Variants in PTK2 observed in about 807,000 individuals in gnomAD.
PTK2 encodes the protein protein tyrosine kinase 2.
PTK2 carries 45 observed loss-of-function variants against 150.1 expected under a neutral mutation model. The ratio of observed to expected loss-of-function variants is 0.30; its 90% CI spans 0.24 to 0.38. The LOEUF is 0.38. Ranked by LOEUF, PTK2 falls within the 10% of genes least tolerant of loss-of-function variation. The pLI, the probability that PTK2 is intolerant of heterozygous loss-of-function variation, is 1.00. For missense variants in PTK2, 919 were observed against 1,307.3 expected, an observed-to-expected ratio of 0.70 and a Z score of 4.58; for synonymous variants, 432 against 449.2, an observed-to-expected ratio of 0.96 and a Z score of 0.48.
chr8:140,899,115 A>C (rs904414848), intron 2 of PTK2, among the ~76,000 whole-genome samples: 2 of 152,210 alleles, frequency 1.3e-5, no homozygotes, highest in African/African-American at 2.4e-5. Flanking sequence ...AAAGCAGCTA[A>C]CATGAAATTA....
rs1463407753 is a variant in PTK2, at chr8:140,674,926, G to A, written c.2603-522C>T. Among the ~76,000 whole-genome samples the A allele has an allele frequency of 4.0e-5, 6 of 148,646 alleles. 1 individual carries two copies. Among genetic ancestry groups the A allele is most frequent in the Non-Finnish European group, 6.0e-5 (4 of 67,090 alleles). Reference sequence around the variant, plus strand: ...AAGAAAAGAAAAGAAAAAAAAATTAGCCAGGCATGGTGGTGTGCACCATAG... The same window carrying A: ...AAGAAAAGAAAAGAAAAAAAAATTAACCAGGCATGGTGGTGTGCACCATAG... On this transcript the variant is annotated intron_variant, in intron 28 of 31. Transcript: ENST00000522684.
In PTK2 at chr8:140,926,868, A is replaced by G. The variant is rs186962929; in HGVS notation, c.-121-1119T>C. On this transcript the variant is annotated intron_variant, in intron 1 of 31. Transcript: ENST00000522684. The stretch of plus-strand genomic sequence containing the variant: ...TTTCATTATCTAAAAAGGCAAAGAC[A>G]ACAAAACCCTGACCTTATTAATCTA... Among the ~76,000 whole-genome samples the G allele has an allele frequency of 3.9e-5, 6 of 152,366 alleles. No homozygotes were observed. In the East Asian group the frequency reaches 1.2e-3, roughly 29 times the overall value.
chr8:140,733,563 C>T (rs1286411869), intron 22 of PTK2, among the ~76,000 whole-genome samples: 2 of 152,126 alleles, frequency 1.3e-5, no homozygotes, highest in Admixed American at 6.6e-5. Context: ...AGGACAGAAT[C>T]TGTCAAATCC....
At chr8:140,913,755 A>G (rs867567678) in intron 2 of PTK2, among the ~76,000 whole-genome samples, 5 of 152,216 alleles carry the variant, frequency 3.3e-5, no homozygotes, top group Middle Eastern at 3.2e-3. Flanking sequence ...AATATTGTTC[A>G]TAAGTCAATT....
intron 23 of PTK2, among the ~76,000 whole-genome samples, chr8:140,707,856 G>A (rs941437183): frequency 1.3e-5 from 2 of 152,256 alleles, no homozygotes. Flanking sequence ...GACCTGGAGA[G>A]AAGGCACTTG....
At chr8:140,748,810 A>T (rs920833055) in intron 17 of PTK2, among the ~76,000 whole-genome samples, 2 of 152,234 alleles carry the variant, frequency 1.3e-5, no homozygotes, top group African/African-American at 4.8e-5. Flanking sequence ...TTAGTAAGAC[A>T]CAGGACAGAC....
intron 5 of PTK2, among the ~76,000 whole-genome samples, chr8:140,861,591 G>C (rs1159652568): frequency 6.6e-6 from 1 of 152,102 alleles, no homozygotes; most frequent in South Asian, 2.1e-4. Context: ...AATCCTCTAA[G>C]TCTGTTACTG....
intron 20 of PTK2, 23 bp downstream of exon 23, chr8:140,743,207 T>A (rs748635017): frequency 1.6e-5 from 24 of 1,456,448 alleles, no homozygotes; most frequent in East Asian, 2.3e-5. Context: ...GCCTATTTCT[T>A]AGGTACTACT....
intron 22 of PTK2, among the ~76,000 whole-genome samples, chr8:140,732,194 AATTAT>A (rs759841489): frequency 8.5e-5 from 13 of 152,224 alleles, no homozygotes; most frequent in Non-Finnish European, 1.8e-4. Flanking sequence ...CCAAGTAAGC[AATTAT>A]ATTATATAGT....
At chr8:140,718,405 G>C (rs1188998843) in intron 22 of PTK2, 1 of 152,152 alleles carries the variant, frequency 6.6e-6, no homozygotes, top group Admixed American at 6.5e-5. Flanking sequence ...CATCTTGGCT[G>C]TTTGCCATCA....
intron 26 of PTK2, among the ~76,000 whole-genome samples, chr8:140,689,382 G>T (rs1158274504): frequency 2.0e-5 from 3 of 152,178 alleles, no homozygotes; most frequent in Non-Finnish European, 4.4e-5. Context: ...AAATATCAAG[G>T]TCAGGAAAGA....
exon 3 of PTK2, chr8:140,890,643 G>A: frequency 6.2e-7 from 1 of 1,614,080 alleles, no homozygotes; most frequent in Non-Finnish European, 8.5e-7. Flanking sequence ...TCGCTCCATT[G>A]CACCAGGAGA....
At chr8:140,664,012 G>T (rs1249108523) in intron 31 of PTK2, among the ~76,000 whole-genome samples, 1 of 151,784 alleles carries the variant, frequency 6.6e-6, no homozygotes, top group African/African-American at 2.4e-5. Context: ...TTCAGATGGA[G>T]TCTCACTCTG....
In PTK2 at chr8:140,866,968, C is replaced by T. The variant is rs565140288; in HGVS notation, c.363-2569G>A. On this transcript the variant is annotated intron_variant, in intron 4 of 31. Coordinates refer to ENST00000522684, the Ensembl canonical transcript of PTK2. ...AAAGGAGATGAGGAAGGGAGTTATACAGTTATATGCAGAGAAAAAGTGTTC... is the reference window on the plus strand; with the variant it reads ...AAAGGAGATGAGGAAGGGAGTTATATAGTTATATGCAGAGAAAAAGTGTTC... Among the ~76,000 whole-genome samples, 30 of 150,912 alleles carry T rather than the reference C, an allele frequency of 2.0e-4. No homozygotes were observed. The South Asian group carries it at 5.8e-3, about 29-fold the overall frequency.
intron 3 of PTK2, among the ~76,000 whole-genome samples, chr8:140,881,044 G>C (rs2100148791): frequency 6.6e-6 from 1 of 152,168 alleles, no homozygotes; most frequent in Non-Finnish European, 1.5e-5. Context: ...GGACCAGGCT[G>C]GAAGAGTCAA....
chr8:140,713,309 G>A (rs565715665), intron 23 of PTK2, among the ~76,000 whole-genome samples: 1 of 152,280 alleles, frequency 6.6e-6, no homozygotes, highest in South Asian at 2.1e-4. Context: ...CTCCCAGGCT[G>A]GAGTGCAGTG....
chr8:140,830,427 G>A (rs758466027), intron 8 of PTK2, 45 bp downstream of exon 8: 9 of 1,277,110 alleles, frequency 7.0e-6, no homozygotes, highest in Non-Finnish European at 9.8e-6. Flanking sequence ...AAAAGGTCTT[G>A]GCATAATTTT....
chr8:140,901,649 C>CTT (rs556569172), intron 2 of PTK2, among the ~76,000 whole-genome samples: 227 of 136,574 alleles, frequency 1.7e-3, no homozygotes, highest in East Asian at 4.7e-3. Flanking sequence ...AAGATCCTGT[C>CTT]TTTTTTTTTT....
intron 17 of PTK2, 177 bp downstream of exon 20, chr8:140,752,055 T>A (rs2100063036): frequency 4.3e-6 from 3 of 700,548 alleles, no homozygotes; most frequent in Non-Finnish European, 7.7e-6. Context: ...ATGGTTTACC[T>A]GGAAAAATCT....
Sources: allele counts gnomAD v4.1 joint callset (sites outside exome capture counted in the v4.1 genomes callset), GRCh38; gene constraint gnomAD v4.1.1; transcripts MANE v1.5; gene names NCBI Gene and HGNC (gene_info 2026-07-23, HGNC 2026-07-21).